The following EPHA6 variants were observed in gnomAD, a reference collection of about 807,000 sequenced individuals.
The protein encoded by EPHA6 is ephrin type-A receptor 6.
Under a neutral mutation model 112.0 loss-of-function variants are expected in EPHA6, and 50 were observed. The ratio of observed to expected loss-of-function variants is 0.45; its 90% CI spans 0.36 to 0.56. The LOEUF (loss-of-function observed/expected upper bound fraction) is 0.56, where lower values mean the gene tolerates loss of function less well. Among genes scored for constraint, EPHA6 ranks in the 20% least tolerant of loss-of-function variants. EPHA6 has a pLI of 0.00. For missense variants in EPHA6, 1,280 were observed against 1,417.4 expected (o/e 0.90, Z 1.56); for synonymous variants, 529 against 490.7 (o/e 1.08, Z -1.03).
At chr3:97,648,459 G>A (rs1560229940) in intron 14 of EPHA6, 1 of 1,307,600 alleles carries the variant, frequency 7.6e-7, no homozygotes, top group Non-Finnish European at 9.7e-7. Context: ...AGTTGGGAGA[G>A]ATTCTCCTTC....
intron 6 of EPHA6, among the ~76,000 whole-genome samples, chr3:97,437,958 A>G (rs1182706760): frequency 6.6e-6 from 1 of 152,102 alleles, no homozygotes; most frequent in East Asian, 1.9e-4. Flanking sequence ...TATTGTTATT[A>G]CCAAATTTAT....
chr3:97,761,108 A>G lies in EPHA6; in HGVS notation c.*12407A>G. 4.9e-6 allele frequency: 1 copy of G among 205,876 alleles called. No individual in the cohort carries two copies. Among genetic ancestry groups the G allele is most frequent in the East Asian group, 7.4e-5 (1 of 13,570 alleles). 12.8% of individuals were successfully genotyped at this position (205,876 alleles called of 1,614,324 possible). On this transcript the variant is annotated 3_prime_UTR_variant, in exon 18 of 18. Coordinates refer to ENST00000389672, the MANE Select transcript of EPHA6 (RefSeq NM_001080448.3). The stretch of plus-strand genomic sequence containing the variant: ...TAAACAAGGTAAAAAGGTGTTAACA[A>G]TTGAACTGCAATCCTACCTATTATC...
chr3:97,357,187 T>C (rs1000863764), intron 5 of EPHA6, among the ~76,000 whole-genome samples: 1 of 152,144 alleles, frequency 6.6e-6, no homozygotes, highest in Non-Finnish European at 1.5e-5. Flanking sequence ...GAGTCTCTTA[T>C]AGACAAGGTA....
intron 3 of EPHA6, among the ~76,000 whole-genome samples, chr3:97,207,041 G>A (rs1184238746): frequency 2.0e-5 from 3 of 151,964 alleles, no homozygotes; most frequent in Admixed American, 6.6e-5. Flanking sequence ...AAAATTGCAG[G>A]CTTCAACATA....
intron 4 of EPHA6, among the ~76,000 whole-genome samples, chr3:97,229,630 G>C (rs964348562): frequency 6.6e-6 from 1 of 152,064 alleles, no homozygotes; most frequent in African/African-American, 2.4e-5. Flanking sequence ...CTAGACTTAT[G>C]TAATGTCACA....
At chr3:97,135,765 G>A (rs1355808654) in intron 3 of EPHA6, among the ~76,000 whole-genome samples, 8 of 144,692 alleles carry the variant, frequency 5.5e-5, no homozygotes, top group African/African-American at 1.8e-4. Context: ...AGCCAAAAAA[G>A]GCCCACAGAT....
At chr3:97,166,099 A>G (rs2076535251) in intron 3 of EPHA6, among the ~76,000 whole-genome samples, 2 of 152,104 alleles carry the variant, frequency 1.3e-5, no homozygotes, top group South Asian at 4.1e-4. Context: ...TGATTGTTTT[A>G]TTGTAGAAGC....
At chr3:97,726,488 G>A (rs1168878593) in intron 15 of EPHA6, among the ~76,000 whole-genome samples, 2 of 151,978 alleles carry the variant, frequency 1.3e-5, no homozygotes, top group Non-Finnish European at 2.9e-5. Flanking sequence ...TTTATAAAAT[G>A]TACCATACCG....
chr3:96,940,111 C>G (rs551228661), intron 2 of EPHA6, among the ~76,000 whole-genome samples: 165 of 152,250 alleles, frequency 1.1e-3, no homozygotes, highest in Non-Finnish European at 1.8e-3. Flanking sequence ...CTGTAGATGT[C>G]TATTAGGTCC....
intron 14 of EPHA6, among the ~76,000 whole-genome samples, chr3:97,673,240 G>T (rs547752286): frequency 2.0e-5 from 3 of 152,080 alleles, no homozygotes; most frequent in Non-Finnish European, 4.4e-5. Context: ...TTTTGATAAC[G>T]TCTGTGTGAA....
At chr3:97,198,934 A>T (rs994191375) in intron 3 of EPHA6, among the ~76,000 whole-genome samples, 1 of 152,142 alleles carries the variant, frequency 6.6e-6, no homozygotes, top group African/African-American at 2.4e-5. Flanking sequence ...CATTTACTTG[A>T]CATGCTCTCA....
At chr3:97,074,779 A>C (rs2046464737) in intron 3 of EPHA6, among the ~76,000 whole-genome samples, 1 of 151,980 alleles carries the variant, frequency 6.6e-6, no homozygotes, top group African/African-American at 2.4e-5. Context: ...AAATTTTAGA[A>C]ATTATTCTTT....
intron 3 of EPHA6, among the ~76,000 whole-genome samples, chr3:97,098,928 A>C (rs1167512892): frequency 2.6e-5 from 4 of 151,910 alleles, no homozygotes; most frequent in Admixed American, 1.3e-4. Flanking sequence ...ATAATGATAA[A>C]ATTAACATTA....
chr3:97,300,797 T>A (rs1173539839), intron 5 of EPHA6, among the ~76,000 whole-genome samples: 1 of 151,956 alleles, frequency 6.6e-6, no homozygotes, highest in African/African-American at 2.4e-5. Flanking sequence ...GCTCGAAGCA[T>A]GACCTTACAC....
At chr3:97,211,512 T>G (rs746779715) in intron 3 of EPHA6, among the ~76,000 whole-genome samples, 3 of 152,146 alleles carry the variant, frequency 2.0e-5, no homozygotes, top group Non-Finnish European at 4.4e-5. Flanking sequence ...AGATCTGGTG[T>G]CTGGTGAGTA....
At chr3:97,312,171 A>G (rs182954469) in intron 5 of EPHA6, among the ~76,000 whole-genome samples, 1 of 151,772 alleles carries the variant, frequency 6.6e-6, no homozygotes, top group East Asian at 1.9e-4. Context: ...ATAAATTCTA[A>G]AATGTATAAG....
chr3:97,096,984 T>A (rs2047259174), intron 3 of EPHA6, among the ~76,000 whole-genome samples: 1 of 151,724 alleles, frequency 6.6e-6, no homozygotes. Flanking sequence ...TATGAGTTCG[T>A]AAACATTTAT....
At chr3:97,127,175 A>G (rs1339797654) in intron 3 of EPHA6, among the ~76,000 whole-genome samples, 1 of 152,182 alleles carries the variant, frequency 6.6e-6, no homozygotes, top group Non-Finnish European at 1.5e-5. Flanking sequence ...TAGGTTTGCT[A>G]AGAGTGGACA....
At chr3:96,883,220 T>TA (rs1210598547) in intron 2 of EPHA6, among the ~76,000 whole-genome samples, 1 of 152,238 alleles carries the variant, frequency 6.6e-6, no homozygotes, top group Non-Finnish European at 1.5e-5. Context: ...GCCATTTGTA[T>TA]ATCTTCTTTT....
Sources: gnomAD v4.1 joint callset for allele counts (sites outside exome capture counted in the v4.1 genomes callset) on GRCh38, gnomAD v4.1.1 for gene constraint, MANE v1.5 for transcripts, NCBI Gene and HGNC (gene_info 2026-07-23, HGNC 2026-07-21) for gene names.